ADAMTSL3: variants seen among roughly 807,000 people sequenced by gnomAD.
The protein encoded by ADAMTSL3 is ADAMTS like 3.
A neutral mutation model predicts 201.7 loss-of-function variants in ADAMTSL3; 128 were observed. The ratio of observed to expected loss-of-function variants is 0.63; its 90% CI spans 0.55 to 0.73. The LOEUF (loss-of-function observed/expected upper bound fraction) is 0.73. Ranked by LOEUF, ADAMTSL3 falls within the 30% of genes least tolerant of loss-of-function variation. The pLI is 0.00. For missense variants in ADAMTSL3, 1,990 were observed against 2,119.6 expected, an observed-to-expected ratio of 0.94 and a Z score of 1.20; for synonymous variants, 738 against 748.4, an observed-to-expected ratio of 0.99 and a Z score of 0.23.
At chr15:84,029,811 G>A (rs77186724) in intron 27 of ADAMTSL3, among the ~76,000 whole-genome samples, 1,759 of 152,296 alleles carry the variant, frequency 0.012, 12 homozygotes, top group Non-Finnish European at 0.019. Flanking sequence ...GGTTTCCTGG[G>A]CTGAGCCCAG....
intron 2 of ADAMTSL3, among the ~76,000 whole-genome samples, chr15:83,670,305 C>CATAAATTA (rs1005332950): frequency 6.9e-6 from 1 of 144,560 alleles, no homozygotes; most frequent in African/African-American, 2.5e-5. Context: ...GAAAGATGTT[C>CATAAATTA]ATAAATTATA....
At chr15:83,875,997 T>G (rs2065171292) in intron 9 of ADAMTSL3, among the ~76,000 whole-genome samples, 1 of 152,136 alleles carries the variant, frequency 6.6e-6, no homozygotes, top group Non-Finnish European at 1.5e-5. Context: ...TTTTCTTTTC[T>G]TTTCTTATTT....
intron 19 of ADAMTSL3, among the ~76,000 whole-genome samples, chr15:83,950,779 T>G (rs2066742058): frequency 6.6e-6 from 1 of 152,092 alleles, no homozygotes; most frequent in South Asian, 2.1e-4. Flanking sequence ...TAAATGGGAC[T>G]ACTTTCTTGA....
intron 8 of ADAMTSL3, among the ~76,000 whole-genome samples, chr15:83,861,028 C>G (rs2064845206): frequency 6.6e-6 from 1 of 152,222 alleles, no homozygotes; most frequent in Admixed American, 6.5e-5. Flanking sequence ...TATCCCACGT[C>G]TGGCTCAGAG....
At chr15:83,859,339 C>G (rs2064807884) in intron 8 of ADAMTSL3, among the ~76,000 whole-genome samples, 1 of 152,138 alleles carries the variant, frequency 6.6e-6, no homozygotes, top group Non-Finnish European at 1.5e-5. Context: ...TAGATCTGGC[C>G]CTTGGGCGTG....
intron 23 of ADAMTSL3, among the ~76,000 whole-genome samples, chr15:84,012,934 T>C (rs994162661): frequency 1.2e-3 from 184 of 152,340 alleles, no homozygotes; most frequent in African/African-American, 4.0e-3. Flanking sequence ...TGCCCAAGGC[T>C]ACAGAACTAA....
intron 19 of ADAMTSL3, among the ~76,000 whole-genome samples, chr15:83,965,172 A>G (rs1286630774): frequency 6.6e-6 from 1 of 152,162 alleles, no homozygotes; most frequent in African/African-American, 2.4e-5. Flanking sequence ...ACACATAACA[A>G]TGTTAACATT....
intron 27 of ADAMTSL3, among the ~76,000 whole-genome samples, chr15:84,030,715 T>G (rs1331695895): frequency 6.6e-6 from 1 of 152,082 alleles, no homozygotes; most frequent in Non-Finnish European, 1.5e-5. Flanking sequence ...GACATGAGAT[T>G]TGGGAGGGGC....
chr15:83,827,534 G>T (rs1301007937), intron 6 of ADAMTSL3, among the ~76,000 whole-genome samples: 4 of 152,204 alleles, frequency 2.6e-5, no homozygotes, highest in Admixed American at 6.6e-5. Flanking sequence ...CATTTGTCAA[G>T]TTTGGCTTTT....
intron 6 of ADAMTSL3, among the ~76,000 whole-genome samples, chr15:83,831,178 A>G (rs1020864877): frequency 3.9e-5 from 6 of 152,088 alleles, no homozygotes; most frequent in African/African-American, 1.4e-4. Context: ...CCCTCCTTTC[A>G]TAAGGACACC....
chr15:83,970,362 T>C, intron 19 of ADAMTSL3, 122 bp from the exon 20 acceptor site: 2 of 1,147,612 alleles, frequency 1.7e-6, no homozygotes, highest in Admixed American at 2.1e-5. Flanking sequence ...AGGAAATGGC[T>C]TTCTTCTTGG....
At chr15:83,931,094 T>G (rs1259722350) in intron 17 of ADAMTSL3, among the ~76,000 whole-genome samples, 1 of 152,202 alleles carries the variant, frequency 6.6e-6, no homozygotes, top group Non-Finnish European at 1.5e-5. Flanking sequence ...GTGCCTGCTA[T>G]TTATGGAGTT....
chr15:83,708,997 G>A (rs2061895537), intron 3 of ADAMTSL3, among the ~76,000 whole-genome samples: 1 of 152,096 alleles, frequency 6.6e-6, no homozygotes, highest in Admixed American at 6.6e-5. Context: ...ATATATCCAG[G>A]AGCTTCTCTC....
chr15:83,904,505 T>A (rs2065797190), intron 15 of ADAMTSL3, among the ~76,000 whole-genome samples: 1 of 152,182 alleles, frequency 6.6e-6, no homozygotes, highest in African/African-American at 2.4e-5. Flanking sequence ...TATTTCTGCC[T>A]CTGTGGTTTA....
chr15:83,862,927 C>G (rs1359467814), intron 8 of ADAMTSL3: 1 of 152,046 alleles, frequency 6.6e-6, no homozygotes, highest in Non-Finnish European at 1.5e-5. Context: ...GGAGGAAGAC[C>G]TACCAAGCAA....
chr15:83,804,573 C>CTTT (rs59422343), intron 4 of ADAMTSL3, 77 bp from the exon 5 acceptor site: 81 of 655,796 alleles, frequency 1.2e-4, no homozygotes, highest in Middle Eastern at 4.1e-4. Flanking sequence ...CTTGTATTTG[C>CTTT]TTTTTTTTTT....
chr15:83,885,944 GAACTCCCAACCTC>G (rs1235914082), intron 10 of ADAMTSL3, among the ~76,000 whole-genome samples: 5 of 152,086 alleles, frequency 3.3e-5, no homozygotes, highest in African/African-American at 1.2e-4. Context: ...GGCTGGTCTT[GAACTCCCAACCTC>G]AGGTGATCTA....
intron 3 of ADAMTSL3, among the ~76,000 whole-genome samples, chr15:83,720,765 A>G (rs574621450): frequency 1.3e-5 from 2 of 152,292 alleles, no homozygotes. Flanking sequence ...TTGTGTTCTA[A>G]CTTGAAGCAG....
At chr15:83,970,827 T>C (rs1206855430) in intron 20 of ADAMTSL3, among the ~76,000 whole-genome samples, 190 bp downstream of exon 20, 1 of 152,218 alleles carries the variant, frequency 6.6e-6, no homozygotes, top group Non-Finnish European at 1.5e-5. Context: ...AAAAGTCTGT[T>C]TTAAGAAATG....
Sources: gnomAD v4.1 joint callset for allele counts (sites outside exome capture counted in the v4.1 genomes callset) on GRCh38, gnomAD v4.1.1 for gene constraint, MANE v1.5 for transcripts, NCBI Gene and HGNC (gene_info 2026-07-23, HGNC 2026-07-21) for gene names.